Variants in MPDZ observed in about 807,000 individuals in gnomAD.
The protein encoded by MPDZ is multiple PDZ domain protein.
In MPDZ, 234 loss-of-function variants were observed where a neutral mutation model predicts 239.1. That is an observed-to-expected ratio of 0.98 (90% CI 0.88 to 1.09). MPDZ has a LOEUF of 1.09. MPDZ is among the 50% of genes least tolerant of loss of function. The probability of loss-of-function intolerance (pLI) is 0.00; values close to 1 mark genes in which losing one functional copy is unlikely to be tolerated. For missense variants in MPDZ, 3,175 were observed against 2,510.0 expected (o/e 1.26, Z -5.66); for synonymous variants, 1,048 against 881.3 (o/e 1.19, Z -3.35).
At position 13,177,407 on chromosome 9, in the gene MPDZ, T is replaced by C. The variant is rs189697385; in HGVS notation, c.2650-990A>G. Among the ~76,000 whole-genome samples the C allele has an allele frequency of 3.4e-3, 521 of 152,262 alleles. 2 individuals carry two copies. Among genetic ancestry groups the C allele is most frequent in the African/African-American group, 0.012 (494 of 41,562 alleles). On this transcript the variant is annotated intron_variant, in intron 19 of 46. Transcript: ENST00000319217. ...CCCAGTAAAAATGGCTAGCATCAGTTAGGTGTTTATCCATCAAATTTTTAA... is the reference window on the plus strand; with the variant it reads ...CCCAGTAAAAATGGCTAGCATCAGTCAGGTGTTTATCCATCAAATTTTTAA...
chr9:13,198,050 T>C (rs1024689783), intron 12 of MPDZ, among the ~76,000 whole-genome samples: 1 of 152,128 alleles, frequency 6.6e-6, no homozygotes, highest in African/African-American at 2.4e-5. Flanking sequence ...AGAACAGCAA[T>C]GAACATAGGG....
chr9:13,156,325 A>G (rs1563921986), intron 24 of MPDZ, among the ~76,000 whole-genome samples: 2 of 152,160 alleles, frequency 1.3e-5, no homozygotes, highest in Admixed American at 6.6e-5. Flanking sequence ...TTCTGTATTA[A>G]TCCTTTTTCA....
intron 24 of MPDZ, among the ~76,000 whole-genome samples, chr9:13,155,224 T>C (rs555422632): frequency 6.6e-6 from 1 of 151,890 alleles, no homozygotes; most frequent in African/African-American, 2.4e-5. Context: ...CTCAGAAAAA[T>C]AATAATAATA....
chr9:13,160,939 T>C (rs1194945309), intron 23 of MPDZ, among the ~76,000 whole-genome samples: 1 of 145,632 alleles, frequency 6.9e-6, no homozygotes. Context: ...ATTTAAACTA[T>C]ATGGGAGAAT....
chr9:13,183,334 C>T, intron 19 of MPDZ, 84 bp downstream of exon 19: 1 of 1,078,698 alleles, frequency 9.3e-7, no homozygotes, highest in Non-Finnish European at 1.3e-6. Context: ...ATATGTTATT[C>T]CCACAACTCC....
At chr9:13,141,936 T>C (rs1293526223) in intron 27 of MPDZ, among the ~76,000 whole-genome samples, 1 of 152,158 alleles carries the variant, frequency 6.6e-6, no homozygotes, top group African/African-American at 2.4e-5. Context: ...GTGCCATAAA[T>C]GTCTCAAATT....
chr9:13,229,699 C>G (rs10960973), intron 3 of MPDZ, among the ~76,000 whole-genome samples: 4,375 of 151,672 alleles, frequency 0.029, 203 homozygotes, highest in African/African-American at 0.1. Context: ...CTCAGAAGAT[C>G]CCTATGCAGA....
intron 24 of MPDZ, among the ~76,000 whole-genome samples, chr9:13,151,172 G>C (rs954367626): frequency 1.3e-5 from 2 of 151,700 alleles, no homozygotes; most frequent in African/African-American, 4.8e-5. Flanking sequence ...AAATTAACAA[G>C]AATGCAGAGC....
chr9:13,240,757 G>C (rs1263340309), intron 3 of MPDZ, among the ~76,000 whole-genome samples: 1 of 151,946 alleles, frequency 6.6e-6, no homozygotes, highest in African/African-American at 2.4e-5. Flanking sequence ...TGATGGACTA[G>C]TTAAATGAGG....
At chr9:13,188,693 T>C (rs926886448) in intron 17 of MPDZ, 91 bp downstream of exon 17, 1 of 1,071,436 alleles carries the variant, frequency 9.3e-7, no homozygotes, top group Non-Finnish European at 1.3e-6. Flanking sequence ...AAAGTCACGA[T>C]TCAATCATGA....
intron 17 of MPDZ, 57 bp downstream of exon 17, chr9:13,188,727 C>G (rs1954491167): frequency 6.7e-7 from 1 of 1,501,402 alleles, no homozygotes; most frequent in African/African-American, 1.4e-5. Flanking sequence ...GAAAAGTAGA[C>G]CTATGAACCA....
rs1944965516 is a variant in MPDZ at position 13,125,394 on chromosome 9, G to C, written c.4633-4C>G. The C allele has an allele frequency of 6.2e-7, 1 of 1,612,654 alleles. No homozygotes were observed. The highest frequency in any genetic ancestry group is 8.5e-7 in the Non-Finnish European group (1 of 1,179,072). On this transcript the variant is annotated splice_polypyrimidine_tract_variant and splice_region_variant and intron_variant, in intron 34 of 46. Transcript: ENST00000319217. ...CTGTCTTCAGAAGGCTAATAAACTG[G>C]CAGGGTGTATGTGTGGAAGAGAAAC...
At chr9:13,171,190 G>A (rs1951732996) in intron 21 of MPDZ, among the ~76,000 whole-genome samples, 1 of 152,128 alleles carries the variant, frequency 6.6e-6, no homozygotes, top group Non-Finnish European at 1.5e-5. Flanking sequence ...CTGACACAAA[G>A]TGTACGACAA....
At chr9:13,273,115 C>T (rs1487831362) in intron 1 of MPDZ, among the ~76,000 whole-genome samples, 3 of 152,128 alleles carry the variant, frequency 2.0e-5, no homozygotes, top group African/African-American at 7.2e-5. Context: ...GAGGCCCTCA[C>T]CATTCACAGA....
In MPDZ at chr9:13,137,983, A is replaced by G; in HGVS notation, c.4174T>C (p.Leu1392=). The G allele has an allele frequency of 6.2e-7, 1 of 1,613,846 alleles. No homozygotes were observed. The change falls in exon 29 of 47, where the codon TTG becomes CTG. Residue 1392 remains leucine, a synonymous_variant. Coordinates refer to ENST00000319217, the MANE Select transcript of MPDZ (RefSeq NM_001378778.1). ...TCTAGAAGCTCATCTGCAATTTGCA[A>G]TCGACCATCTTTTCCTGCAGCTCCA... ...PNGAAGKDGR[L]QIADELLEIN...
intron 10 of MPDZ, among the ~76,000 whole-genome samples, chr9:13,209,793 G>T (rs911249318): frequency 1.3e-5 from 2 of 151,998 alleles, no homozygotes; most frequent in Non-Finnish European, 2.9e-5. Context: ...AATGAAGGCA[G>T]TCAACAAGAT....
At chr9:13,149,029 T>G (rs1194810613) in intron 25 of MPDZ, among the ~76,000 whole-genome samples, 1 of 151,726 alleles carries the variant, frequency 6.6e-6, no homozygotes, top group Admixed American at 6.6e-5. Context: ...AGGTATTTAA[T>G]AGTGAGGTAT....
intron 1 of MPDZ, among the ~76,000 whole-genome samples, chr9:13,269,876 C>A (rs1439677302): frequency 6.6e-6 from 1 of 152,102 alleles, no homozygotes; most frequent in Non-Finnish European, 1.5e-5. Flanking sequence ...ATGAAGAAAT[C>A]CAAATTACTA....
At chr9:13,173,425 G>A (rs533057413) in intron 21 of MPDZ, among the ~76,000 whole-genome samples, 1 of 152,090 alleles carries the variant, frequency 6.6e-6, no homozygotes, top group South Asian at 2.1e-4. Flanking sequence ...TAAGCAGGCC[G>A]GGCAGGGTGA....
Sources: allele counts gnomAD v4.1 joint callset (sites outside exome capture counted in the v4.1 genomes callset), GRCh38; gene constraint gnomAD v4.1.1; transcripts MANE v1.5; gene names NCBI Gene and HGNC (gene_info 2026-07-23, HGNC 2026-07-21).